SDK1: variants seen among roughly 807,000 people sequenced by gnomAD.
SDK1 encodes the protein protein sidekick-1.
SDK1 carries 157 observed loss-of-function variants against 245.5 expected under a neutral mutation model. The observed-to-expected ratio is 0.64, with a 90% CI of 0.56 to 0.73. The LOEUF (loss-of-function observed/expected upper bound fraction) is 0.73, where lower values mean the gene tolerates loss of function less well. Ranked by LOEUF, SDK1 falls within the 30% of genes least tolerant of loss-of-function variation. The probability of loss-of-function intolerance (pLI) is 0.00; values close to 1 mark genes in which losing one functional copy is unlikely to be tolerated. For synonymous variants in SDK1, 1,647 were observed against 1,278.5 expected (o/e 1.29, Z -6.15); for missense variants, 3,583 against 3,002.3 (o/e 1.19, Z -4.52).
chr7:3,635,711 T>G (rs1350446243), intron 2 of SDK1, among the ~76,000 whole-genome samples: 1 of 152,186 alleles, frequency 6.6e-6, no homozygotes, highest in East Asian at 1.9e-4. Flanking sequence ...GCTCCTTTTC[T>G]TTTCTTTTTT....
chr7:3,333,476 G>A (rs1780120737), intron 1 of SDK1, among the ~76,000 whole-genome samples: 1 of 152,152 alleles, frequency 6.6e-6, no homozygotes, highest in South Asian at 2.1e-4. Flanking sequence ...ATCTCCTCCT[G>A]TCTGTGTCTC....
chr7:3,503,184 C>G (rs186135577), intron 1 of SDK1, among the ~76,000 whole-genome samples: 1 of 152,194 alleles, frequency 6.6e-6, no homozygotes, highest in African/African-American at 2.4e-5. Context: ...TACATAAATT[C>G]AAGGTTTTTA....
At chr7:3,784,853 G>C (rs915588355) in intron 4 of SDK1, among the ~76,000 whole-genome samples, 6 of 152,118 alleles carry the variant, frequency 3.9e-5, no homozygotes, top group African/African-American at 9.7e-5. Flanking sequence ...CCCACCTCTG[G>C]GCATTTACCG....
intron 13 of SDK1, among the ~76,000 whole-genome samples, chr7:3,978,652 A>G (rs1783154695): frequency 1.3e-5 from 2 of 152,186 alleles, no homozygotes; most frequent in African/African-American, 2.4e-5. Context: ...ATAGAATGAT[A>G]ATAATAATAA....
chr7:3,832,140 T>A (rs777254937), intron 5 of SDK1, among the ~76,000 whole-genome samples: 8 of 152,218 alleles, frequency 5.3e-5, no homozygotes, highest in Non-Finnish European at 1.0e-4. Flanking sequence ...TATCCCCTTT[T>A]TGCAGATGAG....
At chr7:3,779,451 AT>A (rs869198902) in intron 4 of SDK1, among the ~76,000 whole-genome samples, 2 of 149,978 alleles carry the variant, frequency 1.3e-5, no homozygotes, top group African/African-American at 5.0e-5. Flanking sequence ...CCAGTAACCT[AT>A]TTTTTTTAAA....
At chr7:4,050,355 A>G (rs371485941) in intron 18 of SDK1, among the ~76,000 whole-genome samples, 2 of 152,250 alleles carry the variant, frequency 1.3e-5, no homozygotes, top group African/African-American at 2.4e-5. Context: ...CCTCAGAAGT[A>G]TCCAAAGCCA....
chr7:3,405,665 G>C (rs933387892), intron 1 of SDK1, among the ~76,000 whole-genome samples: 9 of 152,262 alleles, frequency 5.9e-5, no homozygotes, highest in East Asian at 1.9e-4. Context: ...TATAAGGAAA[G>C]CTCACTTTAG....
intron 4 of SDK1, among the ~76,000 whole-genome samples, chr7:3,683,222 A>G (rs1784164147): frequency 6.6e-6 from 1 of 152,100 alleles, no homozygotes; most frequent in South Asian, 2.1e-4. Flanking sequence ...ATAGCTTTGT[A>G]TCTGTGGTGT....
chr7:4,261,983 G>A (rs1368669960), intron 44 of SDK1, among the ~76,000 whole-genome samples: 1 of 146,796 alleles, frequency 6.8e-6, no homozygotes, highest in Non-Finnish European at 1.5e-5. Context: ...ACCTTCTTAG[G>A]GGAAAAAAAA....
At chr7:3,772,037 C>G (rs1049229841) in intron 4 of SDK1, among the ~76,000 whole-genome samples, 1 of 152,168 alleles carries the variant, frequency 6.6e-6, no homozygotes, top group African/African-American at 2.4e-5. Flanking sequence ...TGGCTTCTTT[C>G]ACCTAATGTA....
chr7:3,422,555 G>A (rs1205937564), intron 1 of SDK1, among the ~76,000 whole-genome samples: 1 of 152,124 alleles, frequency 6.6e-6, no homozygotes, highest in East Asian at 1.9e-4. Flanking sequence ...TAACTTGGGA[G>A]GCTGAGGGAG....
At chr7:3,419,690 C>A (rs949410155) in intron 1 of SDK1, among the ~76,000 whole-genome samples, 1 of 152,200 alleles carries the variant, frequency 6.6e-6, no homozygotes, top group African/African-American at 2.4e-5. Flanking sequence ...AACTGAATTA[C>A]ATGTACACCT....
chr7:3,555,502 C>A (rs1167647215), intron 1 of SDK1, among the ~76,000 whole-genome samples: 1 of 152,118 alleles, frequency 6.6e-6, no homozygotes, highest in Admixed American at 6.5e-5. Context: ...CTCTCCAGGG[C>A]ATTGGATGGG....
At chr7:3,610,835 T>A (rs1403781025) in intron 1 of SDK1, among the ~76,000 whole-genome samples, 1 of 152,244 alleles carries the variant, frequency 6.6e-6, no homozygotes. Context: ...AATGGAAATC[T>A]CAGGGACCCT....
intron 5 of SDK1, among the ~76,000 whole-genome samples, chr7:3,902,565 C>A (rs1203574246): frequency 6.6e-6 from 1 of 151,956 alleles, no homozygotes; most frequent in African/African-American, 2.4e-5. Context: ...GTTATATTAC[C>A]TATTTGATGT....
chr7:3,962,676 C>A lies in SDK1; in HGVS notation c.1254C>A (p.Leu418=), dbSNP rs1240311314. Residue 418 remains leucine (L), a synonymous_variant, in exon 9 of 45, where the codon CTC becomes CTA. Coordinates refer to ENST00000404826, the MANE Select transcript of SDK1 (RefSeq NM_152744.4). ...CQAMGVPLPT[L]QWYKDAISIS... is the part of the protein sequence containing the mutation. The stretch of plus-strand genomic sequence containing the variant: ...ACGCAGGGGTCCCCCTTCCCACCCT[C>A]CAGTGGTACAAGGATGCCATCTCCA... 2 of 1,612,700 alleles carry A rather than the reference C, an allele frequency of 1.2e-6. No individual in the cohort carries two copies. The highest frequency in any genetic ancestry group is 1.7e-6 in the Non-Finnish European group (2 of 1,179,342).
rs111552298 is a variant in SDK1, at chr7:4,184,168, A to T, written c.5098+5582A>T. Among the ~76,000 whole-genome samples the T allele has an allele frequency of 1.9e-3, 295 of 152,330 alleles. 1 individual carries two copies. The highest frequency in any genetic ancestry group is 3.2e-3 in the Non-Finnish European group (220 of 68,032). On this transcript the variant is annotated intron_variant, in intron 35 of 44. Coordinates refer to ENST00000404826, the MANE Select transcript of SDK1 (RefSeq NM_152744.4). ...GTAGGCCTTCAGAAGAGGAAATTAA[A>T]TTGGGCCAGCTTCCGTCCCCTCGGC...
intron 5 of SDK1, among the ~76,000 whole-genome samples, chr7:3,929,472 A>G (rs1162524300): frequency 6.6e-6 from 1 of 152,126 alleles, no homozygotes; most frequent in Admixed American, 6.5e-5. Flanking sequence ...TTTATTCCTT[A>G]ACTTATAAGG....
Sources: allele counts gnomAD v4.1 joint callset (sites outside exome capture counted in the v4.1 genomes callset), GRCh38; gene constraint gnomAD v4.1.1; transcripts MANE v1.5; gene names NCBI Gene and HGNC (gene_info 2026-07-23, HGNC 2026-07-21).